The following DHRS7B variants were observed in gnomAD, a reference collection of about 807,000 sequenced individuals.
DHRS7B encodes the protein peroxisomal reductase activating PPAR-gamma.
Under a neutral mutation model 26.4 loss-of-function variants are expected in DHRS7B, and 24 were observed. The ratio of observed to expected loss-of-function variants is 0.91; its 90% CI spans 0.66 to 1.28. The LOEUF (loss-of-function observed/expected upper bound fraction) is 1.28. Among genes scored for constraint, DHRS7B ranks in the 50% most tolerant of loss-of-function variants. The probability of loss-of-function intolerance (pLI) is 0.00; values close to 1 mark genes in which losing one functional copy is unlikely to be tolerated. For missense variants in DHRS7B, 368 were observed against 419.4 expected, an observed-to-expected ratio of 0.88 and a Z score of 1.07; for synonymous variants, 142 against 166.4, an observed-to-expected ratio of 0.85 and a Z score of 1.13.
intron 1 of DHRS7B, among the ~76,000 whole-genome samples, chr17:21,170,481 T>C (rs1196172917): frequency 6.6e-6 from 1 of 152,190 alleles, no homozygotes; most frequent in Non-Finnish European, 1.5e-5. Context: ...AGGCTTGGCA[T>C]AGTGTAGGGC....
intron 1 of DHRS7B, among the ~76,000 whole-genome samples, chr17:21,133,102 G>A (rs1433193737): frequency 6.6e-6 from 1 of 152,198 alleles, no homozygotes; most frequent in Non-Finnish European, 1.5e-5. Flanking sequence ...TGGAGAATGT[G>A]TATTTCAGTG....
At chr17:21,176,860 C>T (rs1313935579) in intron 2 of DHRS7B, among the ~76,000 whole-genome samples, 1 of 152,126 alleles carries the variant, frequency 6.6e-6, no homozygotes, top group African/African-American at 2.4e-5. Context: ...CAAGTCCACT[C>T]TCTTGGCTGC....
intron 1 of DHRS7B, among the ~76,000 whole-genome samples, chr17:21,144,290 A>G (rs1401953368): frequency 6.6e-6 from 1 of 152,172 alleles, no homozygotes; most frequent in Non-Finnish European, 1.5e-5. Flanking sequence ...GAATCTACTC[A>G]TTCTGGAGGT....
intron 1 of DHRS7B, among the ~76,000 whole-genome samples, chr17:21,161,873 T>C (rs1164385238): frequency 6.6e-6 from 1 of 152,186 alleles, no homozygotes; most frequent in Non-Finnish European, 1.5e-5. Context: ...TCTTCCCACA[T>C]GTGCCCTTCC....
At chr17:21,171,413 T>C (rs528511987) in intron 1 of DHRS7B, among the ~76,000 whole-genome samples, 65 of 152,314 alleles carry the variant, frequency 4.3e-4, no homozygotes, top group African/African-American at 1.5e-3. Flanking sequence ...CCGGAGCCCA[T>C]GCTGGTGCTT....
intron 3 of DHRS7B, among the ~76,000 whole-genome samples, chr17:21,179,147 C>G (rs7504007): frequency 0.33 from 50,852 of 151,868 alleles, 8,564 homozygotes; most frequent in Middle Eastern, 0.39. Flanking sequence ...GAGACACGGT[C>G]TCACTATGTT....
At chr17:21,165,916 C>CAAAAA (rs11346854) in intron 1 of DHRS7B, among the ~76,000 whole-genome samples, 1 of 119,446 alleles carries the variant, frequency 8.4e-6, no homozygotes, top group Non-Finnish European at 1.7e-5. Flanking sequence ...ACTCCGTCTC[C>CAAAAA]AAAAAAAAAA....
chr17:21,152,631 GA>G (rs58686632), intron 1 of DHRS7B, among the ~76,000 whole-genome samples: 6,002 of 152,222 alleles, frequency 0.039, 144 homozygotes, highest in South Asian at 0.073. Flanking sequence ...AGAGGGAGGG[GA>G]AAAAAAATCA....
chr17:21,172,351 AGTGG>A, intron 2 of DHRS7B, 155 bp downstream of exon 2: 1 of 876,068 alleles, frequency 1.1e-6, no homozygotes, highest in Non-Finnish European at 1.7e-6. Context: ...CCTTGGTACA[AGTGG>A]AAAAAGCAGG....
intron 1 of DHRS7B, among the ~76,000 whole-genome samples, chr17:21,157,357 G>GA (rs1429839893): frequency 1.3e-5 from 2 of 152,174 alleles, no homozygotes; most frequent in African/African-American, 2.4e-5. Context: ...AAATGACCAA[G>GA]ACCATGACCA....
chr17:21,183,787 T>G lies in DHRS7B; in HGVS notation c.503T>G (p.Phe168Cys), dbSNP rs767251327. 4 of 1,614,072 alleles carry G rather than the reference T, an allele frequency of 2.5e-6. No homozygotes were observed. In the African/African-American group the frequency reaches 5.3e-5, roughly 22 times the overall value. ...AAGAGGGTCATGGAGACAAACTACTTTGGCCCAGTTGCTCTAACGAAAGGT... is the reference window on the plus strand; with the variant it reads ...AAGAGGGTCATGGAGACAAACTACTGTGGCCCAGTTGCTCTAACGAAAGGT... ...VDKRVMETNYFGPVALTKALL... is the reference protein window; with the variant it reads ...VDKRVMETNYCGPVALTKALL... Residue 168 changes from phenylalanine (F) to cysteine (C), a missense_variant, in exon 4 of 7, where the codon TTT becomes TGT. Transcript: ENST00000395511.
At chr17:21,150,907 T>G (rs1567620073) in intron 1 of DHRS7B, among the ~76,000 whole-genome samples, 1 of 152,142 alleles carries the variant, frequency 6.6e-6, no homozygotes, top group Non-Finnish European at 1.5e-5. Flanking sequence ...GCCCACTGAT[T>G]CTAGATATTA....
intron 1 of DHRS7B, among the ~76,000 whole-genome samples, chr17:21,137,746 C>T (rs552155017): frequency 7.2e-5 from 11 of 151,990 alleles, no homozygotes; most frequent in African/African-American, 9.6e-5. Flanking sequence ...TGTGAGCCAC[C>T]GCACCCGGCC....
rs139974325 is a variant in DHRS7B, at chr17:21,157,921, G to A, written c.21-14097G>A. 1.6e-3 allele frequency among the ~76,000 whole-genome samples: 241 copies of A among 152,000 alleles called. 2 individuals carry two copies. The highest frequency in any genetic ancestry group is 6.8e-3 in the Middle Eastern group (2 of 294). ...GATTGCACCACTGCACCCCAGCTTG[G>A]TTGACAGAGTGAGACCCTGTCTGAA... is the stretch of plus-strand genomic sequence containing the variant. On this transcript the variant is annotated intron_variant, in intron 1 of 6. Transcript: ENST00000395511.
chr17:21,147,516 C>T (rs553238199), intron 1 of DHRS7B, among the ~76,000 whole-genome samples: 3 of 152,186 alleles, frequency 2.0e-5, no homozygotes, highest in African/African-American at 4.8e-5. Flanking sequence ...AGACAGTTCT[C>T]GAGGCCATGG....
intron 1 of DHRS7B, among the ~76,000 whole-genome samples, chr17:21,133,485 A>G (rs998113741): frequency 6.6e-6 from 1 of 152,224 alleles, no homozygotes; most frequent in Non-Finnish European, 1.5e-5. Flanking sequence ...TGAGTTTCTG[A>G]TGAGACTTCC....
chr17:21,142,093 G>C (rs189992266), intron 1 of DHRS7B, among the ~76,000 whole-genome samples: 83 of 152,266 alleles, frequency 5.5e-4, no homozygotes, highest in Admixed American at 1.7e-3. Flanking sequence ...CATCAGCTGG[G>C]AGCATCGGCA....
intron 3 of DHRS7B, among the ~76,000 whole-genome samples, chr17:21,178,705 C>T (rs1407168708): frequency 6.7e-6 from 1 of 148,392 alleles, no homozygotes; most frequent in Admixed American, 6.8e-5. Flanking sequence ...GTCACCCAGG[C>T]TGGAGTGCAA....
At position 21,168,739 on chromosome 17, in the gene DHRS7B, G is replaced by A. The variant is rs1007033213; in HGVS notation, c.21-3279G>A. On this transcript the variant is annotated intron_variant, in intron 1 of 6. Coordinates refer to ENST00000395511, the MANE Select transcript of DHRS7B (RefSeq NM_015510.5). The stretch of plus-strand genomic sequence containing the variant: ...TTTACCAGACTGAATGCAGACATGC[G>A]CTCTCCCCACAGACAGCGGCCCGGG... 3.3e-5 allele frequency: 33 copies of A among 985,314 alleles called. No individual in the cohort carries two copies. In the African/African-American group the frequency reaches 3.7e-4, roughly 11 times the overall value. 61.0% of individuals were successfully genotyped at this position (985,314 alleles called of 1,614,324 possible). A position where few individuals can be genotyped will look rare whatever the true frequency, so the allele number is the denominator to read the frequency against.
Sources: gnomAD v4.1 joint callset for allele counts (sites outside exome capture counted in the v4.1 genomes callset) on GRCh38, gnomAD v4.1.1 for gene constraint, MANE v1.5 for transcripts, NCBI Gene and HGNC (gene_info 2026-07-23, HGNC 2026-07-21) for gene names.